The following C1QL3 variants were observed in gnomAD, a reference collection of about 807,000 sequenced individuals.
The protein encoded by C1QL3 is complement C1q like 3.
C1QL3 carries 4 observed loss-of-function variants against 16.6 expected under a neutral mutation model. That is an observed-to-expected ratio of 0.24 (90% CI 0.12 to 0.55). C1QL3 has a LOEUF of 0.55. C1QL3 is among the 20% of genes least tolerant of loss of function. The probability of loss-of-function intolerance (pLI) is 0.94; values close to 1 mark genes in which losing one functional copy is unlikely to be tolerated. For missense variants in C1QL3, 269 were observed against 365.6 expected, an observed-to-expected ratio of 0.74 and a Z score of 2.16; for synonymous variants, 189 against 160.2, an observed-to-expected ratio of 1.18 and a Z score of -1.36.
rs546386360 is a variant in C1QL3 at position 16,517,715 on chromosome 10, A to G, written c.588+2763T>C. Among the ~76,000 whole-genome samples, 15 of 152,284 alleles carry G rather than the reference A, an allele frequency of 9.9e-5. No individual in the cohort carries two copies. In the South Asian group the frequency reaches 2.7e-3, roughly 27 times the overall value. ...TTAGGGATATGTTTCTGTGTCTGCAATAGGTTTCATAGTTTTAGCATTATC... is the reference window on the plus strand; with the variant it reads ...TTAGGGATATGTTTCTGTGTCTGCAGTAGGTTTCATAGTTTTAGCATTATC... On this transcript the variant is annotated intron_variant, in intron 1 of 1. Transcript: ENST00000298943.
At position 16,521,099 on chromosome 10, in the gene C1QL3, C is replaced by A; in HGVS notation, c.-34G>T. ...CCAGCGCCCCGGCGGCGATCAGGCG[C>A]CTCCTGCTGCCCACCAGCCGGCTCA... On this transcript the variant is annotated 5_prime_UTR_variant, in exon 1 of 2. Transcript: ENST00000298943. 1 of 1,549,970 alleles carries A rather than the reference C, an allele frequency of 6.5e-7. No individual in the cohort carries two copies. Among genetic ancestry groups the A allele is most frequent in the Non-Finnish European group, 8.7e-7 (1 of 1,147,270 alleles).
At chr10:16,515,270 T>C (rs551191578) in intron 1 of C1QL3, among the ~76,000 whole-genome samples, 56 of 151,526 alleles carry the variant, frequency 3.7e-4, no homozygotes, top group African/African-American at 1.4e-3. Flanking sequence ...GCTTTCCAAA[T>C]CTAATTCATG....
chr10:16,520,338 C>T lies in C1QL3; in HGVS notation c.588+140G>A. The T allele has an allele frequency of 1.5e-6, 1 of 649,906 alleles. No individual in the cohort carries two copies. The highest frequency in any genetic ancestry group is 3.1e-5 in the Admixed American group (1 of 32,198). 40.3% of individuals were successfully genotyped at this position (649,906 alleles called of 1,614,324 possible). Reference sequence around the variant, plus strand: ...GCCTCTCCAGGGTGGGACGGCGTCCCCCCTTGCCGTCGCTCCAGGGAGCCC... The same window carrying T: ...GCCTCTCCAGGGTGGGACGGCGTCCTCCCTTGCCGTCGCTCCAGGGAGCCC... On this transcript the variant is annotated intron_variant, in intron 1 of 1. Transcript: ENST00000298943. The surrounding 1 kb of genome is among the most constrained non-coding windows in gnomAD (Gnocchi z 8.3).
rs1837007872 is a variant in C1QL3 at position 16,519,630 on chromosome 10, C to T, written c.588+848G>A. On this transcript the variant is annotated intron_variant, in intron 1 of 1. Transcript: ENST00000298943. ...GCGTAGCCCTTGTAGCGGCGCCGACCGGCTCAGGGAATCAAATCCTCTTGG... is the reference window on the plus strand; with the variant it reads ...GCGTAGCCCTTGTAGCGGCGCCGACTGGCTCAGGGAATCAAATCCTCTTGG... Among the ~76,000 whole-genome samples the T allele has an allele frequency of 3.9e-5, 6 of 152,250 alleles. No individual in the cohort carries two copies. In the South Asian group the frequency reaches 1.2e-3, roughly 32 times the overall value.
At position 16,520,098 on chromosome 10, in the gene C1QL3, A is replaced by T. The variant is rs1837016342; in HGVS notation, c.588+380T>A. 6.6e-6 allele frequency among the ~76,000 whole-genome samples: 1 copy of T among 151,998 alleles called. No individual in the cohort carries two copies. The highest frequency in any genetic ancestry group is 2.1e-4 in the South Asian group (1 of 4,816). On this transcript the variant is annotated intron_variant, in intron 1 of 1. Transcript: ENST00000298943. The surrounding 1 kb of genome is among the most constrained non-coding windows in gnomAD (Gnocchi z 8.3). ...CCCCCAGGCCTCTCCACTCCCCAGAAAGCCCGTAAGCTACCCTCTGTTGCG... is the reference window on the plus strand; with the variant it reads ...CCCCCAGGCCTCTCCACTCCCCAGATAGCCCGTAAGCTACCCTCTGTTGCG...
chr10:16,514,794 T>A, intron 1 of C1QL3, 87 bp from the exon 2 acceptor site: 1 of 962,028 alleles, frequency 1.0e-6, no homozygotes, highest in Non-Finnish European at 1.5e-6. Flanking sequence ...ACAAGCTGAC[T>A]TGCTGCCATA....
Position 16,514,331 on chromosome 10 carries a change from T to C in C1QL3, c.*197A>G. ...TGCTTTGGCGGTAGTGGATCACACA[T>C]CTGCTTATCTTGCTTTGATATTTTT... On this transcript the variant is annotated 3_prime_UTR_variant, in exon 2 of 2. Coordinates refer to ENST00000298943, the MANE Select transcript of C1QL3 (RefSeq NM_001010908.2). The C allele has an allele frequency of 1.7e-6, 1 of 588,720 alleles. No individual in the cohort carries two copies. The allele number at this position is 588,720 out of a possible 1,614,324, so 36.5% of individuals were successfully genotyped here.
chr10:16,514,467 T>TGGATC lies in C1QL3; in HGVS notation c.*60_*61insGATCC. The TGGATC allele has an allele frequency of 6.9e-7, 1 of 1,447,546 alleles. No homozygotes were observed. Among genetic ancestry groups the TGGATC allele is most frequent in the Non-Finnish European group, 9.5e-7 (1 of 1,050,040 alleles). 89.7% of individuals were successfully genotyped at this position (1,447,546 alleles called of 1,614,324 possible). A position where few individuals can be genotyped will look rare whatever the true frequency, so the allele number is the denominator to read the frequency against. On this transcript the variant is annotated 3_prime_UTR_variant, in exon 2 of 2. Coordinates refer to ENST00000298943, the MANE Select transcript of C1QL3 (RefSeq NM_001010908.2). ...GCATCCCCTGGGATCCTTGATTCAC[T>TGGATC]GACGTTAGCCATACGAATCCAGTGT...
rs761269820 is a variant in C1QL3 at position 16,521,079 on chromosome 10, G to C, written c.-14C>G. 2 of 1,587,992 alleles carry C rather than the reference G, an allele frequency of 1.3e-6. No individual in the cohort carries two copies. Among genetic ancestry groups the C allele is most frequent in the Non-Finnish European group, 8.5e-7 (1 of 1,173,352 alleles). ...CAGCAGCACCATCACCACCCCCAGC[G>C]CCCCGGCGGCGATCAGGCGCCTCCT... On this transcript the variant is annotated 5_prime_UTR_variant, in exon 1 of 2. Transcript: ENST00000298943.
intron 1 of C1QL3, among the ~76,000 whole-genome samples, chr10:16,519,461 G>T (rs1032276983): frequency 6.6e-6 from 1 of 151,938 alleles, no homozygotes; most frequent in Admixed American, 6.6e-5. Context: ...CTGATTCAGC[G>T]TGCACAGAAG....
intron 1 of C1QL3, among the ~76,000 whole-genome samples, chr10:16,516,820 C>T (rs1388582000): frequency 1.3e-5 from 2 of 152,184 alleles, no homozygotes; most frequent in African/African-American, 2.4e-5. Flanking sequence ...AAAGGTTACC[C>T]TCACAGTTTC....
intron 1 of C1QL3, among the ~76,000 whole-genome samples, chr10:16,519,347 A>AG (rs1837002640): frequency 6.6e-6 from 1 of 151,512 alleles, no homozygotes; most frequent in Admixed American, 6.6e-5. Context: ...TGGCGATGCC[A>AG]GGGTCGCGGG....
At position 16,520,873 on chromosome 10, in the gene C1QL3, C is replaced by G. The variant is rs1393002158; in HGVS notation, c.193G>C (p.Glu65Gln). ...CCCGCCTTCCCGGGCCTGCCGGCCT[C>G]GCCTTTGGGGCCCTGGATGAAGGTG... Reference protein sequence around the residue: ...LPTFIQGPKGEAGRPGKAGPR... With the variant: ...LPTFIQGPKGQAGRPGKAGPR... Residue 65 changes from glutamate to glutamine, a missense_variant, in exon 1 of 2, where the codon GAG becomes CAG. This residue lies in a region of C1QL3 where 246 missense variants were observed against 297.2 expected (regional missense o/e 0.83). Coordinates refer to ENST00000298943, the MANE Select transcript of C1QL3 (RefSeq NM_001010908.2). This position sits in a 1 kb window ranked among gnomAD's most constrained non-coding sequence, Gnocchi z 8.3. The G allele has an allele frequency of 1.4e-6, 2 of 1,478,740 alleles. No individual in the cohort carries two copies. 91.6% of individuals were successfully genotyped at this position (1,478,740 alleles called of 1,614,324 possible). A position where few individuals can be genotyped will look rare whatever the true frequency, so the allele number is the denominator to read the frequency against.
At chr10:16,516,532 T>G (rs1193416978) in intron 1 of C1QL3, among the ~76,000 whole-genome samples, 1 of 152,208 alleles carries the variant, frequency 6.6e-6, no homozygotes, top group Non-Finnish European at 1.5e-5. Flanking sequence ...AATATACTCC[T>G]CAGCTATTAC....
At chr10:16,516,350 C>T (rs993495447) in intron 1 of C1QL3, among the ~76,000 whole-genome samples, 2 of 152,026 alleles carry the variant, frequency 1.3e-5, no homozygotes, top group Non-Finnish European at 1.5e-5. Context: ...GAGTTGAATG[C>T]TTTGATTCAT....
chr10:16,518,422 T>C (rs904010212), intron 1 of C1QL3, among the ~76,000 whole-genome samples: 12 of 152,368 alleles, frequency 7.9e-5, no homozygotes, highest in South Asian at 2.1e-4. Flanking sequence ...TTATACATTA[T>C]AAGGTCAGCT....
Position 16,520,641 on chromosome 10 carries a change from A to G in C1QL3, c.425T>C (p.Val142Ala). 1 of 1,613,262 alleles carries G rather than the reference A, an allele frequency of 6.2e-7. No homozygotes were observed. The highest frequency in any genetic ancestry group is 8.5e-7 in the Non-Finnish European group (1 of 1,179,636). ...GGTGACCACGTCGTCGAACTTGAGC[A>G]CCTCGTAGCCTTCATGCTGCCGCTT... Reference protein sequence around the residue: ...GLKRQHEGYEVLKFDDVVTNL... With the variant: ...GLKRQHEGYEALKFDDVVTNL... The change falls in exon 1 of 2, where the codon GTG becomes GCG. Residue 142 changes from valine (V) to alanine (A), a missense_variant. Val to Ala is a moderately conservative substitution (Grantham distance 64). This residue lies in a region of C1QL3 where 246 missense variants were observed against 297.2 expected (regional missense o/e 0.83). Transcript: ENST00000298943. This position sits in a 1 kb window ranked among gnomAD's most constrained non-coding sequence, Gnocchi z 8.3.
chr10:16,520,387 G>A lies in C1QL3; in HGVS notation c.588+91C>T. The A allele has an allele frequency of 9.8e-7, 1 of 1,019,550 alleles. No homozygotes were observed. The highest frequency in any genetic ancestry group is 1.4e-6 in the Non-Finnish European group (1 of 717,400). The allele number at this position is 1,019,550 out of a possible 1,614,324, so 63.2% of individuals were successfully genotyped here. On this transcript the variant is annotated intron_variant, in intron 1 of 1. Transcript: ENST00000298943. The surrounding 1 kb of genome is among the most constrained non-coding windows in gnomAD (Gnocchi z 8.3). The stretch of plus-strand genomic sequence containing the variant: ...CCGGCCGCCGCGCCCTTCCTCCGCG[G>A]GCTCCCACCCCCATTTCCGGGGTCT...
At chr10:16,519,748 G>A (rs1255730304) in intron 1 of C1QL3, among the ~76,000 whole-genome samples, 3 of 152,116 alleles carry the variant, frequency 2.0e-5, no homozygotes, top group Admixed American at 6.5e-5. Flanking sequence ...TCCATAGAGA[G>A]TTTGGGTTCT....
Sources: allele counts gnomAD v4.1 joint callset (sites outside exome capture counted in the v4.1 genomes callset), GRCh38; gene constraint gnomAD v4.1.1; regional missense constraint gnomAD v4.1.1; non-coding constraint Gnocchi (gnomAD v3.1); transcripts MANE v1.5; gene names NCBI Gene and HGNC (gene_info 2026-07-23, HGNC 2026-07-21).